Variants in ASXL1 observed in about 807,000 individuals in gnomAD.
The protein encoded by ASXL1 is polycomb group protein ASXL1.
In ASXL1, 65 loss-of-function variants were observed where a neutral mutation model predicts 89.1. The ratio of observed to expected loss-of-function variants is 0.73; its 90% CI spans 0.60 to 0.90. ASXL1 has a LOEUF of 0.90. Ranked by LOEUF, ASXL1 falls within the 40% of genes least tolerant of loss-of-function variation. The pLI, the probability that ASXL1 is intolerant of heterozygous loss-of-function variation, is 0.00. For synonymous variants in ASXL1, 739 were observed against 746.9 expected, an observed-to-expected ratio of 0.99 and a Z score of 0.17; for missense variants, 1,786 against 1,942.9, an observed-to-expected ratio of 0.92 and a Z score of 1.52.
At chr20:32,398,644 C>G (rs1365818834) in intron 4 of ASXL1, among the ~76,000 whole-genome samples, 1 of 132,620 alleles carries the variant, frequency 7.5e-6, no homozygotes, top group African/African-American at 2.8e-5. Context: ...GAGTCTTGCT[C>G]TGTCGCCCAG....
chr20:32,358,847 C>T lies in ASXL1; in HGVS notation c.57+15C>T. The stretch of plus-strand genomic sequence containing the variant: ...CCGCGCGCCTGGTGAGGCGGACAGC[C>T]GAGGGGGGCTCCGTGGGGCCCGGGG... On this transcript the variant is annotated intron_variant, in intron 1 of 12. Coordinates refer to ENST00000375687, the MANE Select transcript of ASXL1 (RefSeq NM_015338.6). 3.4e-6 allele frequency: 5 copies of T among 1,469,620 alleles called. No homozygotes were observed. The highest frequency in any genetic ancestry group is 2.5e-5 in the South Asian group (2 of 79,066). The allele number at this position is 1,469,620 out of a possible 1,614,324, so 91.0% of individuals were successfully genotyped here. A position where few individuals can be genotyped will look rare whatever the true frequency, so the allele number is the denominator to read the frequency against.
chr20:32,358,685 A>ACAG lies in ASXL1; in HGVS notation c.-90_-89insAGC, dbSNP rs987982555. The ACAG allele has an allele frequency of 7.8e-5, 39 of 501,600 alleles. 1 individual carries two copies. Among genetic ancestry groups the ACAG allele is most frequent in the Middle Eastern group, 9.0e-4 (1 of 1,112 alleles). 31.1% of individuals were successfully genotyped at this position (501,600 alleles called of 1,614,324 possible). On this transcript the variant is annotated 5_prime_UTR_variant, in exon 1 of 13. Transcript: ENST00000375687. ...GCCGCCGCTGCCACGCGCCCCCCCC[A>ACAG]CCGCCGCCGCCGCCCCAGCCCCGCG...
intron 11 of ASXL1, 62 bp from the exon 12 acceptor site, chr20:32,433,222 C>A (rs2123250601): frequency 6.2e-7 from 1 of 1,608,996 alleles, no homozygotes; most frequent in Non-Finnish European, 8.5e-7. Flanking sequence ...CCATATTATT[C>A]ATAGAAATAA....
intron 4 of ASXL1, among the ~76,000 whole-genome samples, chr20:32,377,743 C>T (rs1308087506): frequency 1.3e-5 from 2 of 151,158 alleles, no homozygotes; most frequent in African/African-American, 2.4e-5. Flanking sequence ...ACCTCCGCCT[C>T]CCAGGTCCAA....
At chr20:32,391,284 A>G (rs1005646893) in intron 4 of ASXL1, among the ~76,000 whole-genome samples, 13 of 152,202 alleles carry the variant, frequency 8.5e-5, no homozygotes, top group Non-Finnish European at 1.6e-4. Context: ...CATTTGGACT[A>G]CTTCCTCCTT....
chr20:32,414,564 ATGTT>A (rs2049105300), intron 4 of ASXL1, among the ~76,000 whole-genome samples: 1 of 151,974 alleles, frequency 6.6e-6, no homozygotes, highest in Non-Finnish European at 1.5e-5. Flanking sequence ...AAAGCACTCT[ATGTT>A]TGTTTTGGGC....
In ASXL1 at chr20:32,429,481, C is replaced by G. The variant is rs2011451667; in HGVS notation, c.565+50C>G. On this transcript the variant is annotated intron_variant, in intron 7 of 12. Coordinates refer to ENST00000375687, the MANE Select transcript of ASXL1 (RefSeq NM_015338.6). This position sits in a 1 kb window ranked among gnomAD's most constrained non-coding sequence, Gnocchi z 4.9. ...TGCTTTTTCCTCAGGTCCTGGGGAC[C>G]TGGCCTCCCTCTGTCAGCAGTTTCT... 9 of 1,563,586 alleles carry G rather than the reference C, an allele frequency of 5.8e-6. No individual in the cohort carries two copies. Among genetic ancestry groups the G allele is most frequent in the Non-Finnish European group, 7.9e-6 (9 of 1,134,708 alleles).
chr20:32,398,486 C>T (rs1188773761), intron 4 of ASXL1, among the ~76,000 whole-genome samples: 2 of 152,060 alleles, frequency 1.3e-5, no homozygotes, highest in South Asian at 2.1e-4. Context: ...TCCCTTCACT[C>T]GCTTCTGGCA....
chr20:32,428,989 G>A (rs2011431649), intron 6 of ASXL1: 1 of 365,130 alleles, frequency 2.7e-6, no homozygotes, highest in Non-Finnish European at 5.3e-6. Flanking sequence ...TAATATACAC[G>A]TGAACATTCA....
intron 4 of ASXL1, among the ~76,000 whole-genome samples, chr20:32,380,768 A>C (rs1017712019): frequency 4.6e-5 from 7 of 152,200 alleles, no homozygotes; most frequent in South Asian, 2.1e-4. Context: ...AACAAAAAAA[A>C]CCCAAATGAT....
In ASXL1 at chr20:32,358,737, A is replaced by T; in HGVS notation, c.-39A>T. ...CACCGCCCCAGCCCGCCCAGCCCGG[A>T]GGTCCCGCGTGGAGCTGCCGCCGCC... On this transcript the variant is annotated 5_prime_UTR_variant, in exon 1 of 13. Transcript: ENST00000375687. The T allele has an allele frequency of 1.4e-4, 69 of 484,252 alleles. No individual in the cohort carries two copies. Among genetic ancestry groups the T allele is most frequent in the Non-Finnish European group, 2.3e-4 (63 of 268,734 alleles). 30.0% of individuals were successfully genotyped at this position (484,252 alleles called of 1,614,324 possible).
At chr20:32,381,473 A>T (rs1222085036) in intron 4 of ASXL1, among the ~76,000 whole-genome samples, 1 of 149,550 alleles carries the variant, frequency 6.7e-6, no homozygotes, top group Non-Finnish European at 1.5e-5. Context: ...AAATGCTGAG[A>T]TTATAGGTGT....
chr20:32,396,246 T>C (rs2048760872), intron 4 of ASXL1, among the ~76,000 whole-genome samples: 1 of 152,244 alleles, frequency 6.6e-6, no homozygotes, highest in African/African-American at 2.4e-5. Context: ...CTTGTCATTA[T>C]GGGTCAGATT....
rs758305489 is a variant in ASXL1, at chr20:32,431,699, T to G, written c.979+20T>G. 1 of 1,610,618 alleles carries G rather than the reference T, an allele frequency of 6.2e-7. No individual in the cohort carries two copies. Among genetic ancestry groups the G allele is most frequent in the Admixed American group, 1.7e-5 (1 of 60,008 alleles). On this transcript the variant is annotated intron_variant, in intron 10 of 12. Coordinates refer to ENST00000375687, the MANE Select transcript of ASXL1 (RefSeq NM_015338.6). ...CTGATGGTATGTAGACTTGGTCATC[T>G]CGGACGGCTTGCGACGCACCTGTCG...
At position 32,437,449 on chromosome 20, in the gene ASXL1, A is replaced by G; in HGVS notation, c.*111A>G. 1 of 1,501,290 alleles carries G rather than the reference A, an allele frequency of 6.7e-7. No individual in the cohort carries two copies. Among genetic ancestry groups the G allele is most frequent in the Non-Finnish European group, 9.2e-7 (1 of 1,086,920 alleles). The allele number at this position is 1,501,290 out of a possible 1,614,324, so 93.0% of individuals were successfully genotyped here. On this transcript the variant is annotated 3_prime_UTR_variant, in exon 13 of 13. Transcript: ENST00000375687. ...GATATAATACTCTTTAGGCAGGAGC[A>G]CTCTTGCCTTCCCCCAAAATTTACA...
At chr20:32,369,286 A>G (rs2048257664) in intron 4 of ASXL1, among the ~76,000 whole-genome samples, 163 bp downstream of exon 4, 2 of 152,084 alleles carry the variant, frequency 1.3e-5, no homozygotes, top group Non-Finnish European at 2.9e-5. Flanking sequence ...TCGCTGTGTC[A>G]CCCAGGCTGG....
chr20:32,396,999 A>C (rs13043838), intron 4 of ASXL1, among the ~76,000 whole-genome samples: 51,533 of 147,546 alleles, frequency 0.35, 10,230 homozygotes, highest in East Asian at 0.74. Flanking sequence ...TTGCAAAAAA[A>C]AAAAACAAAC....
chr20:32,362,585 G>A (rs1372046738), intron 1 of ASXL1, among the ~76,000 whole-genome samples: 3 of 152,292 alleles, frequency 2.0e-5, no homozygotes, highest in Non-Finnish European at 4.4e-5. Context: ...GCAGTGAGCC[G>A]AGATCGAGCT....
At position 32,401,537 on chromosome 20, in the gene ASXL1, TGTGTG is replaced by T. The variant is rs1251000519; in HGVS notation, c.253-26590_253-26586del. On this transcript the variant is annotated intron_variant, in intron 4 of 12. Coordinates refer to ENST00000375687, the MANE Select transcript of ASXL1 (RefSeq NM_015338.6). ...TGAACCATATATGTGTGTGTGTGTGTGTGTGTGTTTTTTCCCCCCCCCCCTTTTTT... is the reference window on the plus strand; with the variant it reads ...TGAACCATATATGTGTGTGTGTGTGTTGTTTTTTCCCCCCCCCCCTTTTTT... Among the ~76,000 whole-genome samples the T allele has an allele frequency of 1.2e-4, 5 of 40,520 alleles. No individual in the cohort carries two copies. In the Admixed American group the frequency reaches 1.3e-3, roughly 10 times the overall value. The allele number at this position is 40,520 out of a possible 152,430, so 26.6% of individuals were successfully genotyped here.
Sources: allele counts gnomAD v4.1 joint callset (sites outside exome capture counted in the v4.1 genomes callset), GRCh38; gene constraint gnomAD v4.1.1; non-coding constraint Gnocchi (gnomAD v3.1); transcripts MANE v1.5; gene names NCBI Gene and HGNC (gene_info 2026-07-23, HGNC 2026-07-21).